SLC26A5: variants seen among roughly 807,000 people sequenced by gnomAD.
SLC26A5 encodes prestin.
A neutral mutation model predicts 81.0 loss-of-function variants in SLC26A5; 51 were observed. The ratio of observed to expected loss-of-function variants is 0.63; its 90% CI spans 0.50 to 0.80. The LOEUF (loss-of-function observed/expected upper bound fraction) is 0.80, where lower values mean the gene tolerates loss of function less well. Ranked by LOEUF, SLC26A5 falls within the 30% of genes least tolerant of loss-of-function variation. The pLI, the probability that SLC26A5 is intolerant of heterozygous loss-of-function variation, is 0.00. For missense variants in SLC26A5, 771 were observed against 905.8 expected (o/e 0.85, Z 1.91); for synonymous variants, 325 against 332.8 (o/e 0.98, Z 0.25).
At chr7:103,357,764 G>A (rs539668019) in intron 19 of SLC26A5, among the ~76,000 whole-genome samples, 1 of 152,110 alleles carries the variant, frequency 6.6e-6, no homozygotes, top group Non-Finnish European at 1.5e-5. Flanking sequence ...TTGTTATAAC[G>A]TCTTGTTTTT....
At chr7:103,417,244 C>G (rs757596361) in intron 4 of SLC26A5, among the ~76,000 whole-genome samples, 1 of 151,802 alleles carries the variant, frequency 6.6e-6, no homozygotes, top group Non-Finnish European at 1.5e-5. Flanking sequence ...GTGGCACGCA[C>G]CTGTAGTCCC....
intron 7 of SLC26A5, among the ~76,000 whole-genome samples, chr7:103,409,766 G>T (rs755388756): frequency 1.3e-5 from 2 of 151,774 alleles, no homozygotes; most frequent in Non-Finnish European, 2.9e-5. Flanking sequence ...GGAGTGCAGT[G>T]ATGGGATCTC....
At chr7:103,430,827 G>C (rs114609763) in intron 2 of SLC26A5, among the ~76,000 whole-genome samples, 4,111 of 152,298 alleles carry the variant, frequency 0.027, 152 homozygotes, top group African/African-American at 0.085. Flanking sequence ...GCAGGATGCA[G>C]GTTCCAATTT....
Position 103,379,262 on chromosome 7 carries a change from C to G in SLC26A5, c.1658G>C (p.Ser553Thr), listed in dbSNP as rs193110872. 6.2e-7 allele frequency: 1 copy of G among 1,610,620 alleles called. No individual in the cohort carries two copies. The highest frequency in any genetic ancestry group is 1.3e-5 in the African/African-American group (1 of 74,868). The change falls in exon 16 of 20, where the codon AGC becomes ACC. Residue 553 changes from serine to threonine, a missense_variant. Physicochemically the swap from Ser to Thr is moderately conservative, Grantham distance 58. Transcript: ENST00000306312. ...PIYYANSDLY[S>T]NALKRKTGVN... ...ACTCACCTTTCGTTTTAATGCATTG[C>G]TATACAAGTCGCTATTTGCATAGTA... is the stretch of plus-strand genomic sequence containing the variant.
At chr7:103,441,184 C>T (rs1826850831) in intron 2 of SLC26A5, among the ~76,000 whole-genome samples, 2 of 152,186 alleles carry the variant, frequency 1.3e-5, no homozygotes, top group South Asian at 4.1e-4. Flanking sequence ...GTCAGTTTTT[C>T]TTCCTTAATG....
At chr7:103,421,831 A>T (rs1318708593) in intron 2 of SLC26A5, among the ~76,000 whole-genome samples, 2 of 152,258 alleles carry the variant, frequency 1.3e-5, no homozygotes, top group African/African-American at 2.4e-5. Context: ...CAATGGCTAA[A>T]TACTAGTCAG....
chr7:103,406,653 A>C (rs147050461), intron 8 of SLC26A5, among the ~76,000 whole-genome samples: 1 of 151,810 alleles, frequency 6.6e-6, no homozygotes, highest in East Asian at 1.9e-4. Context: ...TTTACCCCCA[A>C]ATGTACTCTT....
At chr7:103,361,801 T>A (rs1287727056) in intron 19 of SLC26A5, among the ~76,000 whole-genome samples, 1 of 152,212 alleles carries the variant, frequency 6.6e-6, no homozygotes, top group Non-Finnish European at 1.5e-5. Context: ...AATGGACCTT[T>A]GGAGTTGGGT....
chr7:103,425,373 A>G (rs752573355), intron 2 of SLC26A5, among the ~76,000 whole-genome samples: 1 of 152,338 alleles, frequency 6.6e-6, no homozygotes, highest in African/African-American at 2.4e-5. Context: ...CAACTAGAGC[A>G]CAGCCTCCAG....
intron 2 of SLC26A5, among the ~76,000 whole-genome samples, chr7:103,439,798 G>T (rs1433257961): frequency 3.3e-5 from 5 of 152,188 alleles, no homozygotes; most frequent in Non-Finnish European, 7.3e-5. Context: ...CCTCCCAAAA[G>T]TGCTTGGATG....
rs757581680 is a variant in SLC26A5 at position 103,376,826 on chromosome 7, A to G, written c.2023T>C (p.Tyr675His). 2 of 1,604,788 alleles carry G rather than the reference A, an allele frequency of 1.2e-6. No homozygotes were observed. The highest frequency in any genetic ancestry group is 2.7e-5 in the African/African-American group (2 of 74,750). Residue 675 changes from tyrosine to histidine, a missense_variant, in exon 19 of 20, where the codon TAC becomes CAC. By Grantham distance (83) the Tyr-to-His change is moderately conservative. Coordinates refer to ENST00000306312, the MANE Select transcript of SLC26A5 (RefSeq NM_198999.3). ...KEYGDVGIYV[Y>H]LAGCSAQVVN... is the part of the protein sequence containing the mutation. ...TACTCACCACTGCATCCTGCTAAGT[A>G]TACATATATACCGACGTCTCCATAT...
chr7:103,391,759 CA>C, intron 10 of SLC26A5, 24 bp from the exon 11 acceptor site: 4 of 1,582,398 alleles, frequency 2.5e-6, no homozygotes, highest in Non-Finnish European at 3.5e-6. Flanking sequence ...AAACAAAACA[CA>C]AAAGAGATAG....
downstream of SLC26A5, among the ~76,000 whole-genome samples, chr7:103,370,266 A>AG (rs1446837115): frequency 1.3e-5 from 2 of 152,140 alleles, no homozygotes; most frequent in Non-Finnish European, 2.9e-5. Flanking sequence ...GCTCACACCA[A>AG]GGAAGTTCGG....
intron 5 of SLC26A5, among the ~76,000 whole-genome samples, chr7:103,412,415 A>G (rs923735817): frequency 3.3e-5 from 5 of 152,188 alleles, no homozygotes; most frequent in South Asian, 2.1e-4. Context: ...AAATTACATT[A>G]TGAAATCAAG....
At chr7:103,354,804 A>G (rs1313445510) in intron 19 of SLC26A5, 3 of 1,032,940 alleles carry the variant, frequency 2.9e-6, no homozygotes, top group East Asian at 4.9e-5. Context: ...AATAATTTTT[A>G]CCTGTAGTTT....
At chr7:103,401,737 A>G (rs1184286733) in intron 8 of SLC26A5, among the ~76,000 whole-genome samples, 2 of 152,184 alleles carry the variant, frequency 1.3e-5, no homozygotes, top group African/African-American at 2.4e-5. Flanking sequence ...TGTTCCATCA[A>G]TACCTCATTT....
intron 5 of SLC26A5, among the ~76,000 whole-genome samples, chr7:103,412,150 T>A (rs1039560706): frequency 6.6e-6 from 1 of 152,208 alleles, no homozygotes; most frequent in Non-Finnish European, 1.5e-5. Context: ...CTATGGAAGA[T>A]ACAAACATGA....
At chr7:103,426,839 A>G in intron 2 of SLC26A5, among the ~76,000 whole-genome samples, 1 of 152,210 alleles carries the variant, frequency 6.6e-6, no homozygotes, top group Middle Eastern at 3.2e-3. Context: ...TATGACAGAT[A>G]ATGAGCTTCC....
chr7:103,389,081 A>G lies in SLC26A5; in HGVS notation c.1441T>C (p.Phe481Leu), dbSNP rs768459200. The stretch of plus-strand genomic sequence containing the variant: ...ATCAAACCATAGTCCAATCCCAGGA[A>G]CAAGGAGGACACAAAAGTGGTAAGC... ...IWLTTFVSSL[F>L]LGLDYGLITA... is the part of the protein sequence containing the mutation. Residue 481 changes from phenylalanine (F) to leucine (L), a missense_variant, in exon 14 of 20, where the codon TTC becomes CTC. Transcript: ENST00000306312. The G allele has an allele frequency of 3.1e-6, 5 of 1,613,776 alleles. No individual in the cohort carries two copies. The highest frequency in any genetic ancestry group is 1.7e-4 in the Middle Eastern group (1 of 6,060).
Sources: allele counts gnomAD v4.1 joint callset (sites outside exome capture counted in the v4.1 genomes callset), GRCh38; gene constraint gnomAD v4.1.1; transcripts MANE v1.5; gene names NCBI Gene and HGNC (gene_info 2026-07-23, HGNC 2026-07-21).